Variants in BPIFB4 observed in about 807,000 individuals in gnomAD.
The protein encoded by BPIFB4 is BPI fold containing family B member 4.
In BPIFB4, 62 loss-of-function variants were observed where a neutral mutation model predicts 69.2. That is an observed-to-expected ratio of 0.90 (90% CI 0.73 to 1.11). The LOEUF (loss-of-function observed/expected upper bound fraction) is 1.11. Among genes scored for constraint, BPIFB4 ranks in the 50% least tolerant of loss-of-function variants. BPIFB4 has a pLI of 0.00. For missense variants in BPIFB4, 789 were observed against 792.0 expected (o/e 1.00, Z 0.04); for synonymous variants, 330 against 332.7 (o/e 0.99, Z 0.09).
chr20:33,111,559 C>A lies in BPIFB4; in HGVS notation c.*122C>A. 1.6e-6 allele frequency: 2 copies of A among 1,226,338 alleles called. No homozygotes were observed. The highest frequency in any genetic ancestry group is 2.3e-6 in the Non-Finnish European group (2 of 853,570). The allele number at this position is 1,226,338 out of a possible 1,614,324, so 76.0% of individuals were successfully genotyped here. ...GCCTCCATGACAGGTCCCTCCCTGGCCCCCCAACCCTCTTCCTCCCTTGCC... is the reference window on the plus strand; with the variant it reads ...GCCTCCATGACAGGTCCCTCCCTGGACCCCCAACCCTCTTCCTCCCTTGCC... On this transcript the variant is annotated 3_prime_UTR_variant, in exon 18 of 18. Transcript: ENST00000375483.
intron 9 of BPIFB4, 143 bp from the exon 10 acceptor site, chr20:33,090,565 T>C: frequency 7.1e-7 from 1 of 1,409,188 alleles, no homozygotes; most frequent in Non-Finnish European, 9.4e-7. Context: ...GAGCTGGGAT[T>C]CAAACCCAGA....
intron 5 of BPIFB4, 144 bp downstream of exon 5, chr20:33,084,018 G>T: frequency 2.0e-6 from 2 of 1,002,918 alleles, no homozygotes; most frequent in Admixed American, 5.8e-5. Flanking sequence ...GAAGTTTTAA[G>T]ACCCCCAAGT....
chr20:33,098,572 C>T (rs1411390110), intron 13 of BPIFB4, among the ~76,000 whole-genome samples: 2 of 151,950 alleles, frequency 1.3e-5, no homozygotes, highest in Non-Finnish European at 2.9e-5. Context: ...TGGTGAAACT[C>T]TGCCTCTACT....
chr20:33,106,376 C>CTTTTTTTTTTTTTTT (rs71190890), intron 16 of BPIFB4, among the ~76,000 whole-genome samples: 1 of 133,064 alleles, frequency 7.5e-6, no homozygotes, highest in Non-Finnish European at 1.6e-5. Flanking sequence ...TCTTTTCTTT[C>CTTTTTTTTTTTTTTT]TTTTTTTTTT....
intron 11 of BPIFB4, 110 bp from the exon 12 acceptor site, chr20:33,094,990 A>T: frequency 1.9e-6 from 2 of 1,076,792 alleles, no homozygotes; most frequent in Non-Finnish European, 2.9e-6. Context: ...GAAGACGAAG[A>T]CGCCCTGCTG....
In BPIFB4 at chr20:33,084,875, C is replaced by T. The variant is rs764993832; in HGVS notation, c.678-17C>T. On this transcript the variant is annotated splice_polypyrimidine_tract_variant and intron_variant, in intron 5 of 17. Coordinates refer to ENST00000375483, the MANE Select transcript of BPIFB4 (RefSeq NM_182519.3). Reference sequence around the variant, plus strand: ...GTTGGGGTGGCCGGCCTTCTCACCACTCTGTGTCCCGAGCAGGCTGCGTAT... The same window carrying T: ...GTTGGGGTGGCCGGCCTTCTCACCATTCTGTGTCCCGAGCAGGCTGCGTAT... 17 of 1,603,332 alleles carry T rather than the reference C, an allele frequency of 1.1e-5. No individual in the cohort carries two copies. In the East Asian group the frequency reaches 3.1e-4, roughly 29 times the overall value.
At chr20:33,089,692 G>A in intron 9 of BPIFB4, 134 bp downstream of exon 9, 1 of 1,480,494 alleles carries the variant, frequency 6.8e-7, no homozygotes, top group Non-Finnish European at 9.0e-7. Context: ...AATGCCACAA[G>A]GGAGGTGCCA....
chr20:33,080,034 G>A (rs1981182953), intron 1 of BPIFB4, among the ~76,000 whole-genome samples: 1 of 152,212 alleles, frequency 6.6e-6, no homozygotes, highest in Admixed American at 6.5e-5. Flanking sequence ...AACTGAAAGG[G>A]GTGATTCCTT....
At position 33,083,907 on chromosome 20, in the gene BPIFB4, C is replaced by T. The variant is rs1180913824; in HGVS notation, c.677+33C>T. On this transcript the variant is annotated intron_variant, in intron 5 of 17. Coordinates refer to ENST00000375483, the MANE Select transcript of BPIFB4 (RefSeq NM_182519.3). Reference sequence around the variant, plus strand: ...GGGGACGGGTTCTCCCCAGAAAGCCCCCATACACCTCCAAATGGGGGTGAT... The same window carrying T: ...GGGGACGGGTTCTCCCCAGAAAGCCTCCATACACCTCCAAATGGGGGTGAT... 2.6e-6 allele frequency: 4 copies of T among 1,561,972 alleles called. No homozygotes were observed. The East Asian group carries it at 9.0e-5, about 35-fold the overall frequency.
At chr20:33,107,240 A>AGG (rs1568589329) in intron 16 of BPIFB4, among the ~76,000 whole-genome samples, 6 of 100,230 alleles carry the variant, frequency 6.0e-5, no homozygotes, top group African/African-American at 2.0e-4. Flanking sequence ...GAAGGAAGGA[A>AGG]AGAAAAGAAA....
chr20:33,106,308 A>G (rs2424962), intron 16 of BPIFB4, among the ~76,000 whole-genome samples: 46,003 of 151,530 alleles, frequency 0.3, 7,185 homozygotes, highest in Middle Eastern at 0.38. Flanking sequence ...TCACTCGGCA[A>G]ACATTTGCCA....
intron 8 of BPIFB4, 125 bp downstream of exon 8, chr20:33,089,154 G>C: frequency 6.8e-7 from 1 of 1,464,180 alleles, no homozygotes; most frequent in South Asian, 1.3e-5. Flanking sequence ...CCAAGGCCTG[G>C]GGCATGTATT....
chr20:33,083,280 G>A, intron 4 of BPIFB4, 87 bp from the exon 5 acceptor site: 1 of 1,289,620 alleles, frequency 7.8e-7, no homozygotes, highest in Admixed American at 2.0e-5. Flanking sequence ...GGCAGTAGAG[G>A]GGGGCTGCTG....
intron 3 of BPIFB4, among the ~76,000 whole-genome samples, 196 bp downstream of exon 3, chr20:33,081,828 A>G (rs1981240081): frequency 6.6e-6 from 1 of 152,240 alleles, no homozygotes; most frequent in Non-Finnish European, 1.5e-5. Context: ...GCCAAGCACC[A>G]TACTGGTGAC....
At position 33,092,545 on chromosome 20, in the gene BPIFB4, C is replaced by T. The variant is rs750552572; in HGVS notation, c.1231C>T (p.Pro411Ser). ...TCCCAAGCCGATGCCAGAGCTGCCT[C>T]CCATGGGTGACAACACCAAGTCCCA... ...VSPKPMPELP[P>S]MGDNTKSQLA... Residue 411 changes from proline (P) to serine (S), a missense_variant, in exon 11 of 18, where the codon CCC becomes TCC. By Grantham distance (74) the Pro-to-Ser change is moderately conservative. This residue lies in a region of BPIFB4 where 611 missense variants were observed against 575.4 expected (regional missense o/e 1.06). Transcript: ENST00000375483. 1.9e-6 allele frequency: 3 copies of T among 1,614,144 alleles called. No homozygotes were observed. The South Asian group carries it at 3.3e-5, about 18-fold the overall frequency.
chr20:33,099,426 A>G (rs1349286941), intron 13 of BPIFB4, among the ~76,000 whole-genome samples: 2 of 152,150 alleles, frequency 1.3e-5, no homozygotes, highest in African/African-American at 4.8e-5. Flanking sequence ...TCAGCAGCTC[A>G]GAGGTTTGTG....
chr20:33,109,474 G>T (rs1398298538), intron 17 of BPIFB4, among the ~76,000 whole-genome samples: 2 of 152,060 alleles, frequency 1.3e-5, no homozygotes, highest in South Asian at 4.2e-4. Context: ...TAGGCCACTT[G>T]CTCGAGGTCA....
chr20:33,100,078 C>T (rs1334223189), intron 13 of BPIFB4, among the ~76,000 whole-genome samples: 1 of 152,302 alleles, frequency 6.6e-6, no homozygotes, highest in Non-Finnish European at 1.5e-5. Flanking sequence ...ATTGCAGAGA[C>T]ACCTGGTAAA....
At chr20:33,090,858 CAGTG>C in intron 10 of BPIFB4, 59 bp downstream of exon 10, 6 of 1,597,200 alleles carry the variant, frequency 3.8e-6, no homozygotes, top group Non-Finnish European at 5.1e-6. Flanking sequence ...GCAGGAGTAT[CAGTG>C]AGGCCCTCCC....
Sources: allele counts gnomAD v4.1 joint callset (sites outside exome capture counted in the v4.1 genomes callset), GRCh38; gene constraint gnomAD v4.1.1; regional missense constraint gnomAD v4.1.1; transcripts MANE v1.5; gene names NCBI Gene and HGNC (gene_info 2026-07-23, HGNC 2026-07-21).